DGKA: variants seen among roughly 807,000 people sequenced by gnomAD.
DGKA encodes 80 kDa diacylglycerol kinase.
A neutral mutation model predicts 105.0 loss-of-function variants in DGKA; 35 were observed. The ratio of observed to expected loss-of-function variants is 0.33; its 90% CI spans 0.25 to 0.44. The LOEUF is 0.44. DGKA is among the 20% of genes least tolerant of loss of function. The pLI, the probability that DGKA is intolerant of heterozygous loss-of-function variation, is 1.00. For synonymous variants in DGKA, 296 were observed against 332.0 expected (o/e 0.89, Z 1.18); for missense variants, 665 against 915.0 (o/e 0.73, Z 3.53).
chr12:55,935,139 A>G (rs1209447162), intron 1 of DGKA, among the ~76,000 whole-genome samples: 1 of 152,230 alleles, frequency 6.6e-6, no homozygotes, highest in Non-Finnish European at 1.5e-5. Flanking sequence ...GGTTATGCCA[A>G]TAATTTCCTA....
rs1885004212 is a variant in DGKA, at chr12:55,937,561, G to A, written c.274+18G>A. 1.2e-6 allele frequency: 2 copies of A among 1,612,372 alleles called. No homozygotes were observed. The highest frequency in any genetic ancestry group is 1.1e-5 in the South Asian group (1 of 91,002). Reference sequence around the variant, plus strand: ...GACAAAAGGTATGGTCAAGCAGGTAGGACTGGGCTAAGCCTCTGGCAGAAA... The same window carrying A: ...GACAAAAGGTATGGTCAAGCAGGTAAGACTGGGCTAAGCCTCTGGCAGAAA... On this transcript the variant is annotated intron_variant, in intron 4 of 23. Coordinates refer to ENST00000331886, the MANE Select transcript of DGKA (RefSeq NM_001345.5).
Position 55,937,654 on chromosome 12 carries a change from T to A in DGKA, c.274+111T>A, listed in dbSNP as rs1033641051. 14 of 1,415,488 alleles carry A rather than the reference T, an allele frequency of 9.9e-6. No homozygotes were observed. In the African/African-American group the frequency reaches 1.7e-4, roughly 17 times the overall value. 87.7% of individuals were successfully genotyped at this position (1,415,488 alleles called of 1,614,324 possible). A position where few individuals can be genotyped will look rare whatever the true frequency, so the allele number is the denominator to read the frequency against. On this transcript the variant is annotated intron_variant, in intron 4 of 23. Transcript: ENST00000331886. ...CACACGTTGTGCAGGTTGGGGGAAA[T>A]TGGTGGAGAATAGTCAGGCTGGTCT...
chr12:55,938,001 TC>T lies in DGKA; in HGVS notation c.300del (p.Cys101AlafsTer15). ...AGATGTGGTGTGTCTCAATGATGTT[TC>T]CTGCTACTTTTCCCTTCTGGAGGGT... is the stretch of plus-strand genomic sequence containing the variant. Reference protein sequence around the residue: ...TKDVVCLNDVSCYFSLLEGGR... With the variant: ...TKDVVCLNDVXCYFSLLEGGR... On this transcript the variant is annotated frameshift_variant, in exon 5 of 24. Coordinates refer to ENST00000331886, the MANE Select transcript of DGKA (RefSeq NM_001345.5). LOFTEE classifies it high-confidence loss of function. The T allele has an allele frequency of 1.2e-6, 2 of 1,614,180 alleles. No individual in the cohort carries two copies. Among genetic ancestry groups the T allele is most frequent in the Non-Finnish European group, 1.7e-6 (2 of 1,180,032 alleles).
At chr12:55,929,301 AGT>A (rs1488188427), upstream of DGKA, 4 of 152,184 alleles carry the variant, frequency 2.6e-5, no homozygotes, top group African/African-American at 9.7e-5. Flanking sequence ...TAGACGTGAG[AGT>A]GTGGGATGAA....
In DGKA at chr12:55,932,975, G is replaced by A; in HGVS notation, c.-82+1631G>A. The A allele has an allele frequency of 5.3e-6, 1 of 187,706 alleles. No individual in the cohort carries two copies. The highest frequency in any genetic ancestry group is 1.1e-5 in the Non-Finnish European group (1 of 90,800). The allele number at this position is 187,706 out of a possible 1,614,324, so 11.6% of individuals were successfully genotyped here. On this transcript the variant is annotated intron_variant, in intron 1 of 23. Coordinates refer to ENST00000331886, the MANE Select transcript of DGKA (RefSeq NM_001345.5). This position sits in a 1 kb window ranked among gnomAD's most constrained non-coding sequence, Gnocchi z 4.3. ...TCTGGGGCAGCCTCAATATTCTGGA[G>A]ACATAGCTATTTCCTGAGTAATGGT...
upstream of DGKA, among the ~76,000 whole-genome samples, chr12:55,928,676 C>CAAAAAAAAA (rs56280303): frequency 1.7e-4 from 8 of 47,266 alleles, no homozygotes; most frequent in East Asian, 7.4e-4. Flanking sequence ...GACCCCGTCT[C>CAAAAAAAAA]AAAAAAAAAA....
upstream of DGKA, chr12:55,927,680 CCG>C: frequency 2.0e-6 from 3 of 1,537,148 alleles, no homozygotes; most frequent in Non-Finnish European, 2.6e-6. Flanking sequence ...CACCAGAGAC[CCG>C]CGGGAGGGGC....
intron 1 of DGKA, chr12:55,936,055 G>C (rs1884626922): frequency 4.1e-6 from 4 of 986,042 alleles, no homozygotes; most frequent in Non-Finnish European, 4.8e-6. Context: ...ATTGACGATG[G>C]TGGAAGAAAG....
chr12:55,939,958 GA>G, intron 9 of DGKA, 123 bp from the exon 10 acceptor site: 1 of 879,962 alleles, frequency 1.1e-6, no homozygotes. Context: ...ACTTCACCCC[GA>G]ACTTTTATTC....
intron 23 of DGKA, 120 bp downstream of exon 23, chr12:55,953,530 C>A: frequency 1.5e-6 from 2 of 1,356,232 alleles, no homozygotes; most frequent in South Asian, 1.2e-5. Flanking sequence ...ATCATTCATC[C>A]TAAACCCTGA....
At chr12:55,939,666 C>T (rs894745053) in intron 9 of DGKA, 137 bp downstream of exon 9, 23 of 760,432 alleles carry the variant, frequency 3.0e-5, no homozygotes, top group Admixed American at 1.9e-4. Flanking sequence ...CTTGGGAAAG[C>T]CACATCACTT....
intron 3 of DGKA, 133 bp from the exon 4 acceptor site, chr12:55,937,275 T>C: frequency 7.9e-7 from 1 of 1,273,424 alleles, no homozygotes; most frequent in South Asian, 1.4e-5. Flanking sequence ...CAGGACTTAA[T>C]CAAAGAAACC....
chr12:55,933,434 G>A (rs1048865567), intron 1 of DGKA: 1 of 151,734 alleles, frequency 6.6e-6, no homozygotes, highest in South Asian at 2.1e-4. Flanking sequence ...CCTGGCCTTC[G>A]CCTAGACTAG....
At chr12:55,948,954 AG>A (rs1224962231) in intron 17 of DGKA, among the ~76,000 whole-genome samples, 1 of 151,788 alleles carries the variant, frequency 6.6e-6, no homozygotes, top group Non-Finnish European at 1.5e-5. Flanking sequence ...CCTGGGAGGC[AG>A]AGGTTGCAGT....
rs1883681062 is a variant in DGKA, at chr12:55,932,024, C to A, written c.-82+680C>A. On this transcript the variant is annotated intron_variant, in intron 1 of 23. Transcript: ENST00000331886. The surrounding 1 kb of genome is among the most constrained non-coding windows in gnomAD (Gnocchi z 4.3). The stretch of plus-strand genomic sequence containing the variant: ...TATGTCGTCAGGAACGGGGCGGCCC[C>A]GCTGCGGCCGCGTCTGCCTGGCCCG... The A allele has an allele frequency of 1.3e-5, 2 of 153,070 alleles. No individual in the cohort carries two copies. The highest frequency in any genetic ancestry group is 4.8e-5 in the African/African-American group (2 of 41,552). The allele number at this position is 153,070 out of a possible 1,614,324, so 9.5% of individuals were successfully genotyped here. A position where few individuals can be genotyped will look rare whatever the true frequency, so the allele number is the denominator to read the frequency against.
intron 1 of DGKA, among the ~76,000 whole-genome samples, chr12:55,934,124 T>C (rs1884185424): frequency 1.3e-5 from 2 of 152,312 alleles, no homozygotes; most frequent in South Asian, 4.2e-4. Flanking sequence ...GTTTAAGACC[T>C]GGGGAGCTAG....
upstream of DGKA, among the ~76,000 whole-genome samples, chr12:55,928,884 G>T (rs753384012): frequency 6.6e-6 from 1 of 151,822 alleles, no homozygotes; most frequent in Non-Finnish European, 1.5e-5. Context: ...GGCCGGGTGC[G>T]GTGTCTCATG....
rs749924006 is a variant in DGKA at position 55,951,803 on chromosome 12, G to C, written c.1587+20G>C. 5.2e-5 allele frequency: 84 copies of C among 1,608,880 alleles called. No homozygotes were observed. The highest frequency in any genetic ancestry group is 1.6e-5 in the Non-Finnish European group (19 of 1,177,222). On this transcript the variant is annotated intron_variant, in intron 18 of 23. Coordinates refer to ENST00000331886, the MANE Select transcript of DGKA (RefSeq NM_001345.5). ...GGCGTGGTCAGTGGAATGGGGCCTGGGGAGAAGGGAGAAAGGGGGGGCCAA... is the reference window on the plus strand; with the variant it reads ...GGCGTGGTCAGTGGAATGGGGCCTGCGGAGAAGGGAGAAAGGGGGGGCCAA...
In DGKA at chr12:55,952,206, C is replaced by A. The variant is rs559529146; in HGVS notation, c.1652+107C>A. Reference sequence around the variant, plus strand: ...AGAACAGTGGCACCTCTAGGAGGTCCCCCCAACCAAAGCCACCCTTGTTCC... The same window carrying A: ...AGAACAGTGGCACCTCTAGGAGGTCACCCCAACCAAAGCCACCCTTGTTCC... On this transcript the variant is annotated intron_variant, in intron 19 of 23. Coordinates refer to ENST00000331886, the MANE Select transcript of DGKA (RefSeq NM_001345.5). This position sits in a 1 kb window ranked among gnomAD's most constrained non-coding sequence, Gnocchi z 5.1. 4.0e-4 allele frequency: 617 copies of A among 1,534,430 alleles called. 4 individuals carry two copies. The highest frequency in any genetic ancestry group is 1.7e-3 in the Middle Eastern group (10 of 5,826).
Sources: allele counts gnomAD v4.1 joint callset (sites outside exome capture counted in the v4.1 genomes callset), GRCh38; gene constraint gnomAD v4.1.1; non-coding constraint Gnocchi (gnomAD v3.1); transcripts MANE v1.5; gene names NCBI Gene and HGNC (gene_info 2026-07-23, HGNC 2026-07-21).